C8orf34: variants seen among roughly 807,000 people sequenced by gnomAD.
C8orf34 encodes the protein chromosome 8 open reading frame 34, also known as uncharacterized protein C8orf34.
Under a neutral mutation model 68.3 loss-of-function variants are expected in C8orf34, and 65 were observed. That is an observed-to-expected ratio of 0.95 (90% CI 0.78 to 1.17). The LOEUF (loss-of-function observed/expected upper bound fraction) is 1.17. C8orf34 is among the 50% of genes most tolerant of loss of function. C8orf34 has a pLI of 0.00. For synonymous variants in C8orf34, 244 were observed against 241.2 expected, an observed-to-expected ratio of 1.01 and a Z score of -0.11; for missense variants, 664 against 655.4, an observed-to-expected ratio of 1.01 and a Z score of -0.14.
chr8:68,669,197 G>A (rs1819932260), intron 8 of C8orf34, among the ~76,000 whole-genome samples: 1 of 152,110 alleles, frequency 6.6e-6, no homozygotes, highest in Non-Finnish European at 1.5e-5. Flanking sequence ...TGCCAATGTA[G>A]TTTCATTGAT....
At chr8:68,462,424 C>T (rs1042188934) in intron 3 of C8orf34, among the ~76,000 whole-genome samples, 4 of 152,044 alleles carry the variant, frequency 2.6e-5, no homozygotes, top group African/African-American at 9.7e-5. Context: ...TTGAACTCAG[C>T]TCTGCACCAA....
At chr8:68,574,104 A>T (rs116666797) in intron 7 of C8orf34, among the ~76,000 whole-genome samples, 2,270 of 152,172 alleles carry the variant, frequency 0.015, 35 homozygotes, top group African/African-American at 0.027. Context: ...AAACTATCAT[A>T]TGTTATGAAT....
rs572117214 is a variant in C8orf34 at position 68,811,438 on chromosome 8, C to A, written c.1550-4448C>A. ...CTGCACCTGTGCCCTTTGGGCGGGG[C>A]TCCCACCCTGCCAACTCAGACGCAG... On this transcript the variant is annotated intron_variant, in intron 12 of 13. Coordinates refer to ENST00000518698, the MANE Select transcript of C8orf34 (RefSeq NM_052958.4). Among the ~76,000 whole-genome samples, 329 of 152,306 alleles carry A rather than the reference C, an allele frequency of 2.2e-3. 1 individual carries two copies. The highest frequency in any genetic ancestry group is 3.5e-3 in the Non-Finnish European group (241 of 68,026).
intron 10 of C8orf34, among the ~76,000 whole-genome samples, chr8:68,735,304 G>T (rs1344279386): frequency 1.3e-5 from 2 of 152,220 alleles, no homozygotes; most frequent in Middle Eastern, 3.4e-3. Flanking sequence ...CATAAGAATT[G>T]CCCTGCTGTA....
intron 3 of C8orf34, among the ~76,000 whole-genome samples, chr8:68,462,922 G>A (rs1811914610): frequency 6.6e-6 from 1 of 152,054 alleles, no homozygotes; most frequent in Admixed American, 6.5e-5. Flanking sequence ...GCTAACAGAA[G>A]ACAAGAAATA....
chr8:68,435,405 T>C (rs1185000757), intron 1 of C8orf34, among the ~76,000 whole-genome samples: 2 of 151,990 alleles, frequency 1.3e-5, no homozygotes, highest in African/African-American at 4.8e-5. Context: ...CTGCTGAAGT[T>C]TGAGGGGGTA....
intron 7 of C8orf34, chr8:68,534,849 G>C: frequency 2.0e-6 from 2 of 985,358 alleles, no homozygotes; most frequent in Non-Finnish European, 2.4e-6. Flanking sequence ...AGTCTCCCAA[G>C]CTGAAGACCG....
chr8:68,807,838 G>T (rs12679298), intron 12 of C8orf34, among the ~76,000 whole-genome samples: 13,420 of 152,244 alleles, frequency 0.088, 916 homozygotes, highest in East Asian at 0.36. Context: ...AAAGAAAAAA[G>T]ATTTTAAGTT....
chr8:68,801,443 A>G (rs1824324498), intron 12 of C8orf34, among the ~76,000 whole-genome samples: 1 of 152,136 alleles, frequency 6.6e-6, no homozygotes, highest in Admixed American at 6.5e-5. Context: ...AATTTGTTTC[A>G]TTCATTTACC....
chr8:68,744,866 T>C (rs1822432321), intron 10 of C8orf34, among the ~76,000 whole-genome samples: 1 of 152,062 alleles, frequency 6.6e-6, no homozygotes, highest in Non-Finnish European at 1.5e-5. Flanking sequence ...AACATTCAGA[T>C]TCAGGAAATA....
At chr8:68,527,758 G>C (rs1242393778) in intron 6 of C8orf34, among the ~76,000 whole-genome samples, 1 of 152,084 alleles carries the variant, frequency 6.6e-6, no homozygotes, top group South Asian at 2.1e-4. Context: ...TTAAGCTTTA[G>C]GTTCAAATCT....
intron 8 of C8orf34, 85 bp downstream of exon 8, chr8:68,640,596 T>G: frequency 7.6e-7 from 1 of 1,323,534 alleles, no homozygotes; most frequent in Non-Finnish European, 1.0e-6. Context: ...TGTACTCTTC[T>G]GTGTTAAGAA....
At chr8:68,502,097 C>T (rs1298813166) in intron 5 of C8orf34, among the ~76,000 whole-genome samples, 3 of 152,138 alleles carry the variant, frequency 2.0e-5, no homozygotes, top group African/African-American at 2.4e-5. Context: ...TTGACAGTCT[C>T]GCTCTGTCCC....
At chr8:68,331,937 G>A (rs752048721) in intron 1 of C8orf34, among the ~76,000 whole-genome samples, 46 of 150,340 alleles carry the variant, frequency 3.1e-4, no homozygotes, top group Non-Finnish European at 6.1e-4. Flanking sequence ...GAATGAAATT[G>A]GCAAACTGAG....
chr8:68,818,303 A>G lies in C8orf34; in HGVS notation c.*57A>G, dbSNP rs1824881293. ...AAGAAATGCAGTTATTCAAATCCTT[A>G]TGTATAGTTCTAATTTTATTTACTA... On this transcript the variant is annotated 3_prime_UTR_variant, in exon 14 of 14. Coordinates refer to ENST00000518698, the MANE Select transcript of C8orf34 (RefSeq NM_052958.4). 1.1e-5 allele frequency: 17 copies of G among 1,553,876 alleles called. No individual in the cohort carries two copies. The East Asian group carries it at 3.6e-4, about 33-fold the overall frequency.
chr8:68,351,506 C>A (rs1025984668), intron 1 of C8orf34, among the ~76,000 whole-genome samples: 4 of 152,040 alleles, frequency 2.6e-5, no homozygotes, highest in East Asian at 3.9e-4. Flanking sequence ...ACTGACCTCT[C>A]TAGCAAAGTT....
intron 5 of C8orf34, among the ~76,000 whole-genome samples, chr8:68,490,647 TA>T (rs1257956874): frequency 6.6e-6 from 1 of 152,144 alleles, no homozygotes; most frequent in Non-Finnish European, 1.5e-5. Flanking sequence ...TTTTCATTTT[TA>T]TTGAGGAAGA....
intron 8 of C8orf34, among the ~76,000 whole-genome samples, chr8:68,660,801 C>T (rs1422474489): frequency 6.6e-5 from 10 of 152,096 alleles, no homozygotes; most frequent in African/African-American, 2.2e-4. Context: ...GGGTCCTGGC[C>T]TTGCAAGACA....
At chr8:68,365,118 C>A (rs1585991334) in intron 1 of C8orf34, among the ~76,000 whole-genome samples, 1 of 146,480 alleles carries the variant, frequency 6.8e-6, no homozygotes, top group African/African-American at 2.5e-5. Flanking sequence ...CTACAAACAC[C>A]TCTACGCAAA....
Sources: allele counts gnomAD v4.1 joint callset (sites outside exome capture counted in the v4.1 genomes callset), GRCh38; gene constraint gnomAD v4.1.1; transcripts MANE v1.5; gene names NCBI Gene and HGNC (gene_info 2026-07-23, HGNC 2026-07-21).